Variants in RBL1 observed in about 807,000 individuals in gnomAD.
RBL1 encodes the protein retinoblastoma-like protein 1.
A neutral mutation model predicts 123.0 loss-of-function variants in RBL1; 82 were observed. That is an observed-to-expected ratio of 0.67 (90% CI 0.56 to 0.80). RBL1 has a LOEUF of 0.80. Among genes scored for constraint, RBL1 ranks in the 30% least tolerant of loss-of-function variants. The pLI is 0.00. For synonymous variants in RBL1, 405 were observed against 441.3 expected (o/e 0.92, Z 1.03); for missense variants, 1,171 against 1,299.6 (o/e 0.90, Z 1.52).
chr20:37,032,981 A>C (rs990953573), intron 15 of RBL1, 105 bp from the exon 16 acceptor site: 53 of 1,442,978 alleles, frequency 3.7e-5, no homozygotes, highest in Non-Finnish European at 4.3e-5. Context: ...GTGTATAAGA[A>C]GGCTACAAAA....
At position 37,047,158 on chromosome 20, in the gene RBL1, G is replaced by T; in HGVS notation, c.1500C>A (p.Ser500=). ...CAATTTCCAAACAACAAGCCATCAA[G>T]GAACGATGAAATATATCTTGCTCTA... ...VLLEQDIFHR[S]LMACCLEIVL... is the part of the protein sequence containing the mutation. Residue 500 remains serine (S), a synonymous_variant, in exon 12 of 22, where the codon TCC becomes TCA. Coordinates refer to ENST00000373664, the MANE Select transcript of RBL1 (RefSeq NM_002895.5). The T allele has an allele frequency of 6.2e-7, 1 of 1,603,856 alleles. No individual in the cohort carries two copies. The highest frequency in any genetic ancestry group is 8.5e-7 in the Non-Finnish European group (1 of 1,177,988).
At chr20:37,021,379 C>A (rs1216437935) in intron 17 of RBL1, among the ~76,000 whole-genome samples, 3 of 152,130 alleles carry the variant, frequency 2.0e-5, no homozygotes, top group South Asian at 2.1e-4. Context: ...AATGGCAAAG[C>A]CTGAACTCTA....
chr20:36,999,630 T>TGCAG (rs1201529362), intron 21 of RBL1, among the ~76,000 whole-genome samples: 1 of 147,524 alleles, frequency 6.8e-6, no homozygotes, highest in Admixed American at 6.7e-5. Context: ...TGCCTGCGAT[T>TGCAG]GCAGGCACGC....
chr20:37,034,672 G>A (rs1346620755), intron 15 of RBL1, among the ~76,000 whole-genome samples: 1 of 151,378 alleles, frequency 6.6e-6, no homozygotes, highest in African/African-American at 2.4e-5. Flanking sequence ...GACAGAGTGA[G>A]ATCCTGTCTC....
At chr20:37,090,443 A>G (rs772470584) in intron 1 of RBL1, among the ~76,000 whole-genome samples, 2 of 152,200 alleles carry the variant, frequency 1.3e-5, no homozygotes, top group Admixed American at 6.5e-5. Flanking sequence ...TGAAGTTTCT[A>G]TCGTTTTTGC....
At chr20:37,000,175 G>GC (rs2063944301) in intron 21 of RBL1, among the ~76,000 whole-genome samples, 1 of 147,798 alleles carries the variant, frequency 6.8e-6, no homozygotes, top group African/African-American at 2.5e-5. Flanking sequence ...CCTCTGCCTG[G>GC]CAACCGCCCC....
intron 7 of RBL1, among the ~76,000 whole-genome samples, chr20:37,063,409 G>A (rs1473336158): frequency 6.6e-6 from 1 of 152,150 alleles, no homozygotes; most frequent in Admixed American, 6.5e-5. Context: ...AGCACTTTGG[G>A]AGGCTATGGT....
chr20:37,017,283 GGATT>G (rs1305953385), intron 19 of RBL1, among the ~76,000 whole-genome samples: 3 of 152,014 alleles, frequency 2.0e-5, no homozygotes, highest in South Asian at 2.1e-4. Flanking sequence ...TGAGGTGGAA[GGATT>G]GATTGAGCCT....
In RBL1 at chr20:37,065,456, G is replaced by A. The variant is rs771638819; in HGVS notation, c.864C>T (p.Cys288=). 1 of 1,596,458 alleles carries A rather than the reference G, an allele frequency of 6.3e-7. No individual in the cohort carries two copies. ...CAGTAAAACTTGAAAGGTCCAGGAG[G>A]CATTCTCCTTTTAATATCTGTGAAC... ...LFDRKILKGE[C]LLDLSSFTDN... The change falls in exon 7 of 22, where the codon TGC becomes TGT. Residue 288 remains cysteine (C), a synonymous_variant. Transcript: ENST00000373664.
rs548317047 is a variant in RBL1 at position 37,062,960 on chromosome 20, C to T, written c.897-690G>A. Among the ~76,000 whole-genome samples, 22 of 152,072 alleles carry T rather than the reference C, an allele frequency of 1.4e-4. No homozygotes were observed. The South Asian group carries it at 1.7e-3, about 12-fold the overall frequency. On this transcript the variant is annotated intron_variant, in intron 7 of 21. Coordinates refer to ENST00000373664, the MANE Select transcript of RBL1 (RefSeq NM_002895.5). Reference sequence around the variant, plus strand: ...TCGCGCCACTGCACTCCAGCCTGGGCGACAGAGCGAGACTCCGTCTCCAAA... The same window carrying T: ...TCGCGCCACTGCACTCCAGCCTGGGTGACAGAGCGAGACTCCGTCTCCAAA...
At chr20:37,058,147 A>AAAAAAAAAAAAC in intron 9 of RBL1, among the ~76,000 whole-genome samples, 2 of 150,226 alleles carry the variant, frequency 1.3e-5, no homozygotes, top group South Asian at 2.1e-4. Context: ...AAACAAAAAA[A>AAAAAAAAAAAAC]AAAAAGCCTA....
Position 36,998,532 on chromosome 20 carries a change from A to C in RBL1, c.*227T>G, listed in dbSNP as rs2063913722. The stretch of plus-strand genomic sequence containing the variant: ...AGCCACAGCGCCTGGCCGGACTATT[A>C]GTATTTTTAAAAGGCACTTAAAATA... On this transcript the variant is annotated 3_prime_UTR_variant, in exon 22 of 22. Coordinates refer to ENST00000373664, the MANE Select transcript of RBL1 (RefSeq NM_002895.5). The C allele has an allele frequency of 6.6e-6, 3 of 452,188 alleles. No individual in the cohort carries two copies. In the East Asian group the frequency reaches 1.4e-4, roughly 20 times the overall value. The allele number at this position is 452,188 out of a possible 1,614,324, so 28.0% of individuals were successfully genotyped here. A position where few individuals can be genotyped will look rare whatever the true frequency, so the allele number is the denominator to read the frequency against.
chr20:37,065,392 T>A (rs376177659), intron 7 of RBL1, 32 bp downstream of exon 7: 119 of 1,468,866 alleles, frequency 8.1e-5, no homozygotes, highest in South Asian at 8.9e-5. Context: ...CAGCTTGTGA[T>A]AAGCCAGGCA....
In RBL1 at chr20:37,058,128, AACAAAACAAAAC is replaced by A. The variant is rs1164368705; in HGVS notation, c.1251-1882_1251-1871del. 2.1e-4 allele frequency among the ~76,000 whole-genome samples: 30 copies of A among 141,298 alleles called. 3 individuals are homozygous for A. Among genetic ancestry groups the A allele is most frequent in the East Asian group, 1.2e-3 (5 of 4,058 alleles). The allele number at this position is 141,298 out of a possible 152,430, so 92.7% of individuals were successfully genotyped here. Reference sequence around the variant, plus strand: ...CGAAACTCTGTCTAAAAAAAAAAAAAACAAAACAAAACAAAAAAAAAAAAGCCTATTCCAGGG... The same window carrying A: ...CGAAACTCTGTCTAAAAAAAAAAAAAAAAAAAAAAAAAGCCTATTCCAGGG... On this transcript the variant is annotated intron_variant, in intron 9 of 21. Transcript: ENST00000373664.
intron 9 of RBL1, among the ~76,000 whole-genome samples, 165 bp from the exon 10 acceptor site, chr20:37,056,423 C>G (rs1342998447): frequency 1.4e-5 from 2 of 142,714 alleles, no homozygotes; most frequent in African/African-American, 5.2e-5. Context: ...GGTGCGATCT[C>G]AGTTCACTGC....
intron 21 of RBL1, among the ~76,000 whole-genome samples, chr20:37,000,444 C>G (rs1478523473): frequency 1.4e-5 from 2 of 143,084 alleles, no homozygotes; most frequent in Non-Finnish European, 3.1e-5. Context: ...GCCCAGCCAG[C>G]TGCCCGTCCG....
intron 21 of RBL1, among the ~76,000 whole-genome samples, chr20:37,001,235 C>T (rs1242689096): frequency 4.0e-5 from 6 of 151,656 alleles, no homozygotes; most frequent in Admixed American, 2.6e-4. Context: ...CCCCTCTGCC[C>T]GGCCACCACC....
rs17787145 is a variant in RBL1, at chr20:37,037,156, A to C, written c.1904-1648T>G. Among the ~76,000 whole-genome samples the C allele has an allele frequency of 8.2e-3, 1,249 of 152,312 alleles. 47 individuals carry two copies. The East Asian group carries it at 0.11, about 13-fold the overall frequency. ...TTACAAGAGTCCATGTGAATGCCTT[A>C]TATCTAAGAAATCCACGCAAGCCCT... On this transcript the variant is annotated intron_variant, in intron 14 of 21. Coordinates refer to ENST00000373664, the MANE Select transcript of RBL1 (RefSeq NM_002895.5).
At chr20:37,067,926 T>C in intron 3 of RBL1, 60 bp downstream of exon 3, 1 of 1,539,868 alleles carries the variant, frequency 6.5e-7, no homozygotes, top group Non-Finnish European at 8.8e-7. Context: ...TTCAAAAAAG[T>C]ATATTCTCTT....
Sources: gnomAD v4.1 joint callset for allele counts (sites outside exome capture counted in the v4.1 genomes callset) on GRCh38, gnomAD v4.1.1 for gene constraint, MANE v1.5 for transcripts, NCBI Gene and HGNC (gene_info 2026-07-23, HGNC 2026-07-21) for gene names.